Variants in DPY19L4 observed in about 807,000 individuals in gnomAD.
The protein encoded by DPY19L4 is probable C-mannosyltransferase DPY19L4.
In DPY19L4, 97 loss-of-function variants were observed where a neutral mutation model predicts 102.8. The ratio of observed to expected loss-of-function variants is 0.94; its 90% CI spans 0.80 to 1.12. DPY19L4 has a LOEUF of 1.12. DPY19L4 is among the 50% of genes most tolerant of loss of function. DPY19L4 has a pLI of 0.00. For synonymous variants in DPY19L4, 252 were observed against 283.1 expected (o/e 0.89, Z 1.10); for missense variants, 815 against 850.4 (o/e 0.96, Z 0.52).
At chr8:94,763,283 C>T (rs117883954) in intron 8 of DPY19L4, among the ~76,000 whole-genome samples, 4,746 of 139,600 alleles carry the variant, frequency 0.034, 107 homozygotes, top group Non-Finnish European at 0.04. Context: ...TTTTAAATGG[C>T]TCTGGCTATT....
intron 7 of DPY19L4, among the ~76,000 whole-genome samples, chr8:94,760,019 G>T (rs1418994972): frequency 6.6e-6 from 1 of 152,164 alleles, no homozygotes; most frequent in Non-Finnish European, 1.5e-5. Context: ...CACAGTGAAA[G>T]TGAAGCCCTG....
intron 6 of DPY19L4, among the ~76,000 whole-genome samples, chr8:94,746,878 GCTTT>G (rs949516969): frequency 2.5e-4 from 36 of 141,816 alleles, no homozygotes; most frequent in Non-Finnish European, 3.4e-4. Flanking sequence ...TTCTTTTCTT[GCTTT>G]CTTTCTTTCT....
intron 13 of DPY19L4, among the ~76,000 whole-genome samples, chr8:94,771,245 A>C (rs1455062550): frequency 1.3e-5 from 2 of 152,224 alleles, no homozygotes; most frequent in Non-Finnish European, 2.9e-5. Flanking sequence ...TAATAAGTAG[A>C]TACATCCAAG....
chr8:94,734,860 A>C (rs939956221), intron 3 of DPY19L4, 106 bp downstream of exon 3: 8 of 1,449,782 alleles, frequency 5.5e-6, no homozygotes, highest in African/African-American at 1.4e-5. Flanking sequence ...TATTAGGAAC[A>C]AAATGCTCCA....
At chr8:94,757,015 C>T (rs993240037) in intron 7 of DPY19L4, among the ~76,000 whole-genome samples, 1 of 151,916 alleles carries the variant, frequency 6.6e-6, no homozygotes, top group South Asian at 2.1e-4. Flanking sequence ...ACAGAGAGAC[C>T]CTGTCTCCAA....
At chr8:94,742,718 C>CACAAAAATA (rs1811501453) in intron 6 of DPY19L4, among the ~76,000 whole-genome samples, 1 of 151,870 alleles carries the variant, frequency 6.6e-6, no homozygotes, top group African/African-American at 2.4e-5. Flanking sequence ...GCCACAATGC[C>CACAAAAATA]CAGCTAATTT....
chr8:94,770,747 A>G (rs920640737), intron 13 of DPY19L4, among the ~76,000 whole-genome samples, 176 bp downstream of exon 13: 1 of 152,030 alleles, frequency 6.6e-6, no homozygotes, highest in Non-Finnish European at 1.5e-5. Context: ...CGTCTCTACT[A>G]AAAATACAAA....
At chr8:94,764,717 A>ATTT (rs869220296) in intron 8 of DPY19L4, among the ~76,000 whole-genome samples, 12 of 29,324 alleles carry the variant, frequency 4.1e-4, no homozygotes, top group East Asian at 1.5e-3. Flanking sequence ...ATATATATAT[A>ATTT]TTTTTTTTTT....
intron 3 of DPY19L4, 24 bp downstream of exon 3, chr8:94,734,778 T>C: frequency 6.2e-7 from 1 of 1,612,466 alleles, no homozygotes; most frequent in Non-Finnish European, 8.5e-7. Context: ...ATTTTGAGCA[T>C]ATGAAAGTTA....
intron 5 of DPY19L4, 29 bp from the exon 6 acceptor site, chr8:94,739,616 C>T (rs1459845558): frequency 5.6e-6 from 9 of 1,611,426 alleles, no homozygotes; most frequent in Non-Finnish European, 7.6e-6. Flanking sequence ...ATCCTATTGT[C>T]TTGTTCTCTT....
chr8:94,752,867 A>G (rs1331102669), intron 6 of DPY19L4, among the ~76,000 whole-genome samples: 16 of 151,580 alleles, frequency 1.1e-4, no homozygotes, highest in South Asian at 2.1e-4. Flanking sequence ...GGGTTTCACC[A>G]TGTTAGCCAG....
intron 4 of DPY19L4, among the ~76,000 whole-genome samples, chr8:94,738,733 C>T (rs1811306503): frequency 6.6e-6 from 1 of 151,816 alleles, no homozygotes; most frequent in African/African-American, 2.4e-5. Context: ...AGGCTGGTCT[C>T]GAACTCTTGA....
At position 94,792,091 on chromosome 8, in the gene DPY19L4, G is replaced by C. The variant is rs1406383445; in HGVS notation, c.*2181G>C. Reference sequence around the variant, plus strand: ...CACTTAGGTAACTTACAGTTGTTAGGTTTGACAATAAAGATCTACTATGAG... The same window carrying C: ...CACTTAGGTAACTTACAGTTGTTAGCTTTGACAATAAAGATCTACTATGAG... On this transcript the variant is annotated 3_prime_UTR_variant, in exon 19 of 19. Transcript: ENST00000414645. 6.6e-6 allele frequency: 1 copy of C among 152,094 alleles called. No individual in the cohort carries two copies. 9.4% of individuals were successfully genotyped at this position (152,094 alleles called of 1,614,324 possible).
At chr8:94,768,595 A>G (rs910812334) in intron 12 of DPY19L4, 42 bp downstream of exon 12, 9 of 1,121,152 alleles carry the variant, frequency 8.0e-6, no homozygotes, top group Non-Finnish European at 1.1e-5. Flanking sequence ...AACATAAATT[A>G]TGGAAATATA....
chr8:94,728,087 G>C (rs551206916), intron 2 of DPY19L4, among the ~76,000 whole-genome samples: 2 of 152,140 alleles, frequency 1.3e-5, no homozygotes, highest in African/African-American at 4.8e-5. Context: ...TCAGCCTCCC[G>C]AGTAGCTGGG....
At chr8:94,788,095 A>ATATATATATTTTT (rs778540423) in intron 18 of DPY19L4, 43 bp downstream of exon 18, 2 of 939,300 alleles carry the variant, frequency 2.1e-6, no homozygotes, top group African/African-American at 4.7e-5. Flanking sequence ...ATATATATAT[A>ATATATATATTTTT]TTTTTTTTTT....
intron 6 of DPY19L4, among the ~76,000 whole-genome samples, chr8:94,740,927 T>C (rs1811419031): frequency 1.3e-5 from 2 of 152,176 alleles, no homozygotes; most frequent in Admixed American, 1.3e-4. Flanking sequence ...GACTCCATAG[T>C]GCATCTGGTT....
intron 6 of DPY19L4, among the ~76,000 whole-genome samples, chr8:94,746,299 G>A (rs998129414): frequency 1.3e-5 from 2 of 151,522 alleles, no homozygotes; most frequent in South Asian, 2.1e-4. Flanking sequence ...GAACTTAGGC[G>A]ATTCACCTGC....
chr8:94,739,536 T>C lies in DPY19L4; in HGVS notation c.465+2T>C, dbSNP rs1485769365. On this transcript the variant is annotated splice_donor_variant, in intron 5 of 18. Transcript: ENST00000414645. LOFTEE classifies it high-confidence loss of function. Reference sequence around the variant, plus strand: ...TTATATCAAGCCACTGGTAGCAATGTATGTATTTTTCGTTGGACCCTAATA... The same window carrying C: ...TTATATCAAGCCACTGGTAGCAATGCATGTATTTTTCGTTGGACCCTAATA... 5.6e-6 allele frequency: 9 copies of C among 1,598,890 alleles called. No individual in the cohort carries two copies. The highest frequency in any genetic ancestry group is 2.3e-5 in the South Asian group (2 of 87,774).
Sources: allele counts gnomAD v4.1 joint callset (sites outside exome capture counted in the v4.1 genomes callset), GRCh38; gene constraint gnomAD v4.1.1; transcripts MANE v1.5; gene names NCBI Gene and HGNC (gene_info 2026-07-23, HGNC 2026-07-21).